KIF7: variants seen among roughly 807,000 people sequenced by gnomAD.
KIF7 encodes kinesin family member 7.
A neutral mutation model predicts 135.7 loss-of-function variants in KIF7; 104 were observed. The ratio of observed to expected loss-of-function variants is 0.77; its 90% CI spans 0.65 to 0.90. KIF7 has a LOEUF of 0.90. Among genes scored for constraint, KIF7 ranks in the 40% least tolerant of loss-of-function variants. The pLI, the probability that KIF7 is intolerant of heterozygous loss-of-function variation, is 0.00. For missense variants in KIF7, 2,005 were observed against 1,839.1 expected (o/e 1.09, Z -1.65); for synonymous variants, 883 against 809.4 (o/e 1.09, Z -1.54).
chr15:89,628,500 G>A lies in KIF7; in HGVS notation c.3951C>T (p.Asn1317=), dbSNP rs1367281895. 6.2e-7 allele frequency: 1 copy of A among 1,612,836 alleles called. No homozygotes were observed. The highest frequency in any genetic ancestry group is 8.5e-7 in the Non-Finnish European group (1 of 1,179,804). Residue 1317 remains asparagine, a synonymous_variant, in exon 19 of 19, where the codon AAC becomes AAT. Coordinates refer to ENST00000394412, the MANE Select transcript of KIF7 (RefSeq NM_198525.3). ...GCCGGGGCTTGGACAAAGGCCCAAA[G>A]TTCCAGGGCAGGCCTGCCTCACCCA... ...LPVGEAGLPW[N]FGPLSKPRRE...
At position 89,632,932 on chromosome 15, in the gene KIF7, G is replaced by A. The variant is rs764218371; in HGVS notation, c.2783C>T (p.Ala928Val). The A allele has an allele frequency of 2.2e-5, 34 of 1,554,766 alleles. No individual in the cohort carries two copies. The highest frequency in any genetic ancestry group is 1.9e-4 in the East Asian group (8 of 41,242). ...GAGCTCCTCCCCCAGCTCCTCCAGC[G>A]CCCGCCGCTGCTGTAGCACCTTCTC... ...EMEKVLQQRR[A>V]LEELGEELHK... is the part of the protein sequence containing the mutation. Residue 928 changes from alanine to valine, a missense_variant, in exon 14 of 19, where the codon GCG (alanine) becomes GTG (valine). Physicochemically the swap from Ala to Val is moderately conservative, Grantham distance 64. Transcript: ENST00000394412.
At chr15:89,659,010 G>C (rs1415961262), upstream of KIF7, among the ~76,000 whole-genome samples, 2 of 152,100 alleles carry the variant, frequency 1.3e-5, no homozygotes, top group East Asian at 3.9e-4. Flanking sequence ...AGCACCACAG[G>C]AAAGGTTAAA....
In KIF7 at chr15:89,651,263, C is replaced by T. The variant is rs1393529161; in HGVS notation, c.329-1322G>A. Among the ~76,000 whole-genome samples, 4 of 152,220 alleles carry T rather than the reference C, an allele frequency of 2.6e-5. No individual in the cohort carries two copies. In the East Asian group the frequency reaches 7.7e-4, roughly 29 times the overall value. ...TACAGGCATGCACCACCACGCCCAG[C>T]TAATTTTTTGTATTTTAGTAGAGAC... On this transcript the variant is annotated intron_variant, in intron 2 of 18. Coordinates refer to ENST00000394412, the MANE Select transcript of KIF7 (RefSeq NM_198525.3).
At chr15:89,625,564 C>G (rs747829637), downstream of KIF7, 12 of 1,613,134 alleles carry the variant, frequency 7.4e-6, no homozygotes, top group South Asian at 1.3e-4. Flanking sequence ...CCAGTCGCCT[C>G]CCAGGAACAG....
Position 89,645,884 on chromosome 15 carries a change from C to A in KIF7, c.1922+9G>T. On this transcript the variant is annotated intron_variant, in intron 8 of 18. Transcript: ENST00000394412. The stretch of plus-strand genomic sequence containing the variant: ...TCCTTGTCAGGTGGGGGCAGTGGGT[C>A]CCACTCACCTGCGCAGGTGTAAGGT... 6.2e-7 allele frequency: 1 copy of A among 1,612,804 alleles called. No individual in the cohort carries two copies.
rs1338687456 is a variant in KIF7, at chr15:89,637,999, T to G, written c.2395-4116A>C. Among the ~76,000 whole-genome samples the G allele has an allele frequency of 9.3e-5, 11 of 118,852 alleles. 1 individual carries two copies. The highest frequency in any genetic ancestry group is 1.9e-5 in the Non-Finnish European group (1 of 53,756). The allele number at this position is 118,852 out of a possible 152,430, so 78.0% of individuals were successfully genotyped here. A position where few individuals can be genotyped will look rare whatever the true frequency, so the allele number is the denominator to read the frequency against. On this transcript the variant is annotated intron_variant, in intron 11 of 18. Transcript: ENST00000394412. ...GATCAAGTGGGCTTCATCCCTGGGA[T>G]GCAAGGCTGGTTCAATATACGCAAA...
At chr15:89,642,069 C>A (rs753116506) in intron 11 of KIF7, 134 bp downstream of exon 11, 14 of 931,872 alleles carry the variant, frequency 1.5e-5, no homozygotes, top group Admixed American at 2.3e-5. Context: ...CAGCCTCACC[C>A]TGCAGGGCCA....
chr15:89,649,283 G>A lies in KIF7; in HGVS notation c.614C>T (p.Thr205Met), dbSNP rs745680789. The change falls in exon 4 of 19, where the codon ACG becomes ATG. Residue 205 changes from threonine (T) to methionine (M), a missense_variant. Physicochemically the swap from Thr to Met is moderately conservative, Grantham distance 81. Coordinates refer to ENST00000394412, the MANE Select transcript of KIF7 (RefSeq NM_198525.3). Reference sequence around the variant, plus strand: ...CAGGTGGTTGAGGTGCGTGGCTCCCGTGTGCCGCGCCGCGTTGCCCATCTC... The same window carrying A: ...CAGGTGGTTGAGGTGCGTGGCTCCCATGTGCCGCGCCGCGTTGCCCATCTC... ...LLEMGNAARH[T>M]GATHLNHLSS... 3.3e-6 allele frequency: 5 copies of A among 1,510,896 alleles called. No individual in the cohort carries two copies. Among genetic ancestry groups the A allele is most frequent in the Middle Eastern group, 1.7e-4 (1 of 5,812 alleles). 93.6% of individuals were successfully genotyped at this position (1,510,896 alleles called of 1,614,324 possible).
chr15:89,632,749 C>T (rs923258251), intron 14 of KIF7, 71 bp downstream of exon 14: 3 of 1,522,054 alleles, frequency 2.0e-6, no homozygotes, highest in Admixed American at 1.9e-5. Flanking sequence ...GCTCACCTGG[C>T]AAGATCTGTC....
At chr15:89,662,436 T>G in the KIF7 span, among the ~76,000 whole-genome samples, 1 of 152,204 alleles carries the variant, frequency 6.6e-6, no homozygotes, top group Admixed American at 6.5e-5. Flanking sequence ...GCATGGAGGT[T>G]GCAGTGAGCT....
intron 17 of KIF7, 36 bp downstream of exon 17, chr15:89,629,339 G>C: frequency 6.7e-7 from 1 of 1,483,678 alleles, no homozygotes; most frequent in East Asian, 2.4e-5. Context: ...GGGATGGAGG[G>C]GGCCGGGGTT....
At chr15:89,645,551 A>G (rs923944772) in intron 8 of KIF7, 100 bp from the exon 9 acceptor site, 8 of 921,724 alleles carry the variant, frequency 8.7e-6, no homozygotes, top group Non-Finnish European at 1.4e-5. Context: ...CGGGTCTTCC[A>G]CCTCCCAGGG....
At chr15:89,652,182 C>T (rs1283679102) in intron 2 of KIF7, among the ~76,000 whole-genome samples, 1 of 152,204 alleles carries the variant, frequency 6.6e-6, no homozygotes, top group Non-Finnish European at 1.5e-5. Flanking sequence ...CTGGCTGAAG[C>T]ACCCTGCAGC....
Position 89,645,560 on chromosome 15 carries a change from G to A in KIF7, c.1923-109C>T, listed in dbSNP as rs1054297744. On this transcript the variant is annotated intron_variant, in intron 8 of 18. Coordinates refer to ENST00000394412, the MANE Select transcript of KIF7 (RefSeq NM_198525.3). ...GGCCACCGGGTCTTCCACCTCCCAG[G>A]GTCAATATAAACCCAGGATGTGAGT... The A allele has an allele frequency of 1.1e-5, 10 of 877,860 alleles. No individual in the cohort carries two copies. The African/African-American group carries it at 1.2e-4, about 10-fold the overall frequency. 54.4% of individuals were successfully genotyped at this position (877,860 alleles called of 1,614,324 possible).
chr15:89,640,824 TAAAAA>T (rs10716351), intron 11 of KIF7, among the ~76,000 whole-genome samples: 1 of 134,590 alleles, frequency 7.4e-6, no homozygotes, highest in Non-Finnish European at 1.6e-5. Context: ...TGTCTCTACT[TAAAAA>T]AAAAAAAAAA....
At chr15:89,625,958 T>C, downstream of KIF7, 1 of 1,588,782 alleles carries the variant, frequency 6.3e-7, no homozygotes, top group Non-Finnish European at 8.5e-7. Context: ...CTCCCAGCTG[T>C]GCCGTGCGGA....
chr15:89,649,151 T>A lies in KIF7; in HGVS notation c.746A>T (p.His249Leu). 1 of 1,547,854 alleles carries A rather than the reference T, an allele frequency of 6.5e-7. No homozygotes were observed. Among genetic ancestry groups the A allele is most frequent in the Non-Finnish European group, 8.7e-7 (1 of 1,146,658 alleles). ...APGQLLVSKF[H>L]FVDLAGSERV... Reference sequence around the variant, plus strand: ...CTCTGAGCCCGCCAGGTCCACGAAGTGGAACTTGGAGACGAGCAGCTGGCC... The same window carrying A: ...CTCTGAGCCCGCCAGGTCCACGAAGAGGAACTTGGAGACGAGCAGCTGGCC... The change falls in exon 4 of 19, where the codon CAC becomes CTC. Residue 249 changes from histidine (H) to leucine (L), a missense_variant. Physicochemically the swap from His to Leu is moderately conservative, Grantham distance 99. Transcript: ENST00000394412.
At chr15:89,629,643 G>C in intron 16 of KIF7, 70 bp from the exon 17 acceptor site, 1 of 1,592,352 alleles carries the variant, frequency 6.3e-7, no homozygotes, top group Non-Finnish European at 8.5e-7. Context: ...CTCAATCACA[G>C]ACACAGTATT....
At chr15:89,648,113 A>C in intron 5 of KIF7, 142 bp downstream of exon 5, 1 of 1,350,436 alleles carries the variant, frequency 7.4e-7, no homozygotes, top group Non-Finnish European at 9.6e-7. Context: ...GACCACGGTA[A>C]TCAGCAGAAG....
Sources: gnomAD v4.1 joint callset for allele counts (sites outside exome capture counted in the v4.1 genomes callset) on GRCh38, gnomAD v4.1.1 for gene constraint, MANE v1.5 for transcripts, NCBI Gene and HGNC (gene_info 2026-07-23, HGNC 2026-07-21) for gene names.